The following CORIN variants were observed in gnomAD, a reference collection of about 807,000 sequenced individuals.
CORIN encodes corin, serine peptidase, also known as atrial natriuretic peptide-converting enzyme.
CORIN carries 117 observed loss-of-function variants against 125.3 expected under a neutral mutation model. The observed-to-expected ratio is 0.93, with a 90% CI of 0.80 to 1.09. The LOEUF is 1.09. Among genes scored for constraint, CORIN ranks in the 50% least tolerant of loss-of-function variants. The probability of loss-of-function intolerance (pLI) is 0.00; values close to 1 mark genes in which losing one functional copy is unlikely to be tolerated. For synonymous variants in CORIN, 450 were observed against 466.4 expected, an observed-to-expected ratio of 0.96 and a Z score of 0.45; for missense variants, 1,253 against 1,306.7, an observed-to-expected ratio of 0.96 and a Z score of 0.63.
At chr4:47,673,179 AAAATAAATAAATAAATAAAT>A (rs66990449) in intron 10 of CORIN, among the ~76,000 whole-genome samples, 1,482 of 142,816 alleles carry the variant, frequency 0.01, 28 homozygotes, top group African/African-American at 0.035. Context: ...TCTTTACCAA[AAAATAAATAAATAAATAAAT>A]AAATAAATAA....
chr4:47,809,988 G>T (rs889115654), intron 1 of CORIN, among the ~76,000 whole-genome samples: 3 of 152,066 alleles, frequency 2.0e-5, no homozygotes, highest in African/African-American at 7.2e-5. Flanking sequence ...CCCTTCAAAT[G>T]GCATCCCTCT....
intron 19 of CORIN, among the ~76,000 whole-genome samples, chr4:47,617,461 TC>T (rs1317724479): frequency 2.0e-5 from 3 of 152,180 alleles, no homozygotes; most frequent in Non-Finnish European, 2.9e-5. Context: ...GCTAGCTATA[TC>T]CTAGACCCAG....
In CORIN at chr4:47,595,166, G is replaced by A. The variant is rs1001580083; in HGVS notation, c.*555C>T. ...GGTTCAGCACACCAACATGGCACAT[G>A]TATACATATGTAACTAACCTGCACG... is the stretch of plus-strand genomic sequence containing the variant. On this transcript the variant is annotated 3_prime_UTR_variant, in exon 22 of 22. Transcript: ENST00000273857. 2 of 152,154 alleles carry A rather than the reference G, an allele frequency of 1.3e-5. No homozygotes were observed. Among genetic ancestry groups the A allele is most frequent in the African/African-American group, 4.8e-5 (2 of 41,428 alleles). 9.4% of individuals were successfully genotyped at this position (152,154 alleles called of 1,614,324 possible).
intron 4 of CORIN, among the ~76,000 whole-genome samples, chr4:47,756,840 C>G (rs190146888): frequency 1.3e-5 from 2 of 152,146 alleles, no homozygotes; most frequent in African/African-American, 4.8e-5. Context: ...GCTGGGTCTC[C>G]TCCATTTCAA....
At chr4:47,825,312 C>T (rs570839180) in intron 1 of CORIN, among the ~76,000 whole-genome samples, 2 of 152,272 alleles carry the variant, frequency 1.3e-5, no homozygotes, top group South Asian at 4.1e-4. Context: ...CCTGGGAGTC[C>T]CCCTTGCAGG....
intron 5 of CORIN, among the ~76,000 whole-genome samples, chr4:47,722,426 G>A (rs558973162): frequency 2.8e-4 from 43 of 152,200 alleles, no homozygotes; most frequent in African/African-American, 9.9e-4. Context: ...TCTGACAAAA[G>A]AAAGGCACTT....
rs1262296924 is a variant in CORIN, at chr4:47,645,180, C to T, written c.1858G>A (p.Asp620Asn). 1.2e-6 allele frequency: 2 copies of T among 1,600,592 alleles called. No individual in the cohort carries two copies. The highest frequency in any genetic ancestry group is 2.7e-5 in the African/African-American group (2 of 74,694). Residue 620 changes from aspartate to asparagine, a missense_variant, in exon 14 of 22, where the codon GAT becomes AAT. Transcript: ENST00000273857. ...DEENCGCKERDLWECPSNKQC... is the reference protein window; with the variant it reads ...DEENCGCKERNLWECPSNKQC... ...TTATTGGATGGACATTCCCAAAGAT[C>T]TCTCTCTTTACAACCTAGAGACAGA... is the stretch of plus-strand genomic sequence containing the variant.
intron 16 of CORIN, among the ~76,000 whole-genome samples, chr4:47,639,916 A>G (rs753251746): frequency 4.6e-5 from 7 of 152,180 alleles, no homozygotes; most frequent in Non-Finnish European, 1.0e-4. Flanking sequence ...CAAGTCAACT[A>G]AAGAGTAAAC....
chr4:47,698,981 AG>A (rs1726163425), intron 5 of CORIN, among the ~76,000 whole-genome samples: 1 of 152,222 alleles, frequency 6.6e-6, no homozygotes, highest in Non-Finnish European at 1.5e-5. Context: ...GACGTGTAGT[AG>A]GCTCTACATC....
chr4:47,689,305 T>A (rs1725663615), intron 6 of CORIN, among the ~76,000 whole-genome samples: 1 of 152,180 alleles, frequency 6.6e-6, no homozygotes, highest in South Asian at 2.1e-4. Context: ...TTGAGAGATA[T>A]TCACTATTTA....
intron 5 of CORIN, among the ~76,000 whole-genome samples, chr4:47,726,743 ACT>A (rs1197415580): frequency 2.6e-5 from 4 of 152,156 alleles, no homozygotes; most frequent in South Asian, 2.1e-4. Flanking sequence ...TCAGAAAGTA[ACT>A]CTGATTTGAT....
intron 3 of CORIN, among the ~76,000 whole-genome samples, chr4:47,777,382 C>T (rs1038062971): frequency 2.0e-5 from 3 of 152,112 alleles, no homozygotes; most frequent in African/African-American, 7.2e-5. Flanking sequence ...TCTGTAATCC[C>T]AGCACTTTGG....
chr4:47,798,974 T>C (rs186195204), intron 2 of CORIN, among the ~76,000 whole-genome samples: 1 of 152,296 alleles, frequency 6.6e-6, no homozygotes, highest in African/African-American at 2.4e-5. Flanking sequence ...CTCCTTCTTA[T>C]AAGTGAGAAC....
intron 6 of CORIN, among the ~76,000 whole-genome samples, chr4:47,689,452 G>A (rs1017993077): frequency 5.3e-5 from 8 of 152,098 alleles, no homozygotes; most frequent in Non-Finnish European, 4.4e-5. Flanking sequence ...TTACTACACC[G>A]TATTACACTC....
Position 47,678,046 on chromosome 4 carries a change from T to A in CORIN, c.1141A>T (p.Ser381Cys). The stretch of plus-strand genomic sequence containing the variant: ...TTTCTGCATTCCACCAGACCCTGGC[T>A]GTGACAGGCTAGGAAGGACCATAAC... ...KSDEVNCSCHSQGLVECRNGQ... is the reference protein window; with the variant it reads ...KSDEVNCSCHCQGLVECRNGQ... Residue 381 changes from serine to cysteine, a missense_variant, in exon 9 of 22, where the codon AGC becomes TGC. Ser to Cys is a moderately radical substitution (Grantham distance 112, BLOSUM62 -1). Coordinates refer to ENST00000273857, the MANE Select transcript of CORIN (RefSeq NM_006587.4). 6.2e-7 allele frequency: 1 copy of A among 1,610,868 alleles called. No individual in the cohort carries two copies. The highest frequency in any genetic ancestry group is 1.1e-5 in the South Asian group (1 of 91,004).
At chr4:47,717,320 C>T (rs555507136) in intron 5 of CORIN, among the ~76,000 whole-genome samples, 2 of 152,264 alleles carry the variant, frequency 1.3e-5, no homozygotes, top group East Asian at 3.9e-4. Context: ...TCACCCCTGC[C>T]CCCACTGTGG....
intron 2 of CORIN, among the ~76,000 whole-genome samples, chr4:47,806,157 T>C (rs1731786742): frequency 1.3e-5 from 2 of 152,170 alleles, no homozygotes; most frequent in South Asian, 4.1e-4. Context: ...TAAGATTTTT[T>C]TTTTTAATGA....
intron 4 of CORIN, among the ~76,000 whole-genome samples, chr4:47,748,700 A>G (rs1728770076): frequency 6.6e-6 from 1 of 152,146 alleles, no homozygotes; most frequent in Non-Finnish European, 1.5e-5. Context: ...TTTTATCTGC[A>G]AAAAACAAGT....
chr4:47,813,580 A>G (rs1214747230), intron 1 of CORIN, among the ~76,000 whole-genome samples: 1 of 152,236 alleles, frequency 6.6e-6, no homozygotes, highest in African/African-American at 2.4e-5. Context: ...ATCAAAGATC[A>G]GGCAAACTTG....
Sources: allele counts gnomAD v4.1 joint callset (sites outside exome capture counted in the v4.1 genomes callset), GRCh38; gene constraint gnomAD v4.1.1; transcripts MANE v1.5; gene names NCBI Gene and HGNC (gene_info 2026-07-23, HGNC 2026-07-21).